CHODL: variants seen among roughly 807,000 people sequenced by gnomAD.
CHODL encodes the protein transmembrane protein MT75.
CHODL carries 29 observed loss-of-function variants against 34.5 expected under a neutral mutation model. That is an observed-to-expected ratio of 0.84 (90% CI 0.63 to 1.15). The LOEUF is 1.15. CHODL is among the 50% of genes most tolerant of loss of function. CHODL has a pLI of 0.00. For synonymous variants in CHODL, 125 were observed against 116.1 expected (o/e 1.08, Z -0.49); for missense variants, 332 against 332.5 (o/e 1.00, Z 0.01).
chr21:17,935,562 ATAATT>A (rs573072791), intron 1 of CHODL, among the ~76,000 whole-genome samples: 215 of 152,382 alleles, frequency 1.4e-3, no homozygotes, highest in Middle Eastern at 3.4e-3. Flanking sequence ...ATAAAAATGA[ATAATT>A]TAAGTGACAA....
chr21:18,225,978 G>A (rs1450232743), intron 2 of CHODL, among the ~76,000 whole-genome samples: 1 of 152,104 alleles, frequency 6.6e-6, no homozygotes, highest in African/African-American at 2.4e-5. Context: ...GACATACAGA[G>A]ATAATATACA....
At chr21:18,174,152 T>TATATATATATATATAAAA (rs1568923201) in intron 2 of CHODL, among the ~76,000 whole-genome samples, 2 of 125,840 alleles carry the variant, frequency 1.6e-5, no homozygotes, top group African/African-American at 6.0e-5. Flanking sequence ...TATATATATA[T>TATATATATATATATAAAA]ATATATATAA....
At chr21:18,128,105 C>T (rs984820695) in intron 2 of CHODL, among the ~76,000 whole-genome samples, 18 of 151,246 alleles carry the variant, frequency 1.2e-4, no homozygotes, top group African/African-American at 4.1e-4. Flanking sequence ...TCGAGACCAT[C>T]CTGGCTAACA....
At chr21:17,923,873 A>G (rs1411785972) in intron 1 of CHODL, among the ~76,000 whole-genome samples, 1 of 152,254 alleles carries the variant, frequency 6.6e-6, no homozygotes. Context: ...GAAAGATGGC[A>G]ACACAAAGAT....
chr21:18,026,308 T>C (rs1367448556), intron 1 of CHODL, among the ~76,000 whole-genome samples: 1 of 152,202 alleles, frequency 6.6e-6, no homozygotes, highest in Non-Finnish European at 1.5e-5. Context: ...TAGTTCTGCT[T>C]AGGCATATCA....
chr21:18,243,063 A>G (rs909778456), upstream of CHODL, among the ~76,000 whole-genome samples: 1 of 152,200 alleles, frequency 6.6e-6, no homozygotes, highest in Non-Finnish European at 1.5e-5. Context: ...CTAGTTCTAC[A>G]GGTATTTGGA....
At chr21:18,063,638 C>T (rs929499779) in intron 2 of CHODL, among the ~76,000 whole-genome samples, 6 of 152,108 alleles carry the variant, frequency 3.9e-5, no homozygotes, top group Non-Finnish European at 7.4e-5. Context: ...TTTAGTTCTT[C>T]ATTGGTTAAA....
At chr21:17,972,686 A>T (rs1185736786) in intron 1 of CHODL, among the ~76,000 whole-genome samples, 1 of 152,256 alleles carries the variant, frequency 6.6e-6, no homozygotes, top group Non-Finnish European at 1.5e-5. Context: ...GTGGATAGGA[A>T]GAATCAATAT....
intron 2 of CHODL, among the ~76,000 whole-genome samples, chr21:18,175,422 T>C (rs2073293950): frequency 6.6e-6 from 1 of 152,058 alleles, no homozygotes; most frequent in Admixed American, 6.6e-5. Context: ...TGAAATCCCA[T>C]ATCTACTAAA....
At chr21:17,969,353 G>A (rs2063596658) in intron 1 of CHODL, among the ~76,000 whole-genome samples, 1 of 152,052 alleles carries the variant, frequency 6.6e-6, no homozygotes, top group South Asian at 2.1e-4. Context: ...ATATATAGAA[G>A]AAAAGAAAAG....
chr21:18,210,990 C>T (rs1462557657), intron 2 of CHODL, among the ~76,000 whole-genome samples: 1 of 152,102 alleles, frequency 6.6e-6, no homozygotes, highest in South Asian at 2.1e-4. Context: ...AATTTTGTTC[C>T]AGCTACACAT....
At chr21:17,985,914 A>G (rs2063750000) in intron 1 of CHODL, among the ~76,000 whole-genome samples, 1 of 152,122 alleles carries the variant, frequency 6.6e-6, no homozygotes, top group Admixed American at 6.6e-5. Context: ...ATGAGGGCCT[A>G]CTTTCTGGTT....
At chr21:18,088,764 C>G (rs868806020) in intron 2 of CHODL, among the ~76,000 whole-genome samples, 3 of 152,198 alleles carry the variant, frequency 2.0e-5, no homozygotes, top group South Asian at 2.1e-4. Context: ...ATGGAGGAGG[C>G]ACATACTACC....
rs1029756638 is a variant in CHODL at position 17,953,417 on chromosome 21, C to T, written c.-145+36017C>T. Among the ~76,000 whole-genome samples, 6 of 151,936 alleles carry T rather than the reference C, an allele frequency of 3.9e-5. No homozygotes were observed. The South Asian group carries it at 6.2e-4, about 16-fold the overall frequency. ...AGGAGTTAGAGACTACAGTGAGCCACGATTGTGCCACTGCACTCCCGCCTG... is the reference window on the plus strand; with the variant it reads ...AGGAGTTAGAGACTACAGTGAGCCATGATTGTGCCACTGCACTCCCGCCTG... On this transcript the variant is annotated intron_variant, in intron 1 of 6. Coordinates refer to the CHODL transcript ENST00000400127.
chr21:17,953,127 G>T (rs937104730), intron 1 of CHODL, among the ~76,000 whole-genome samples: 1 of 152,048 alleles, frequency 6.6e-6, no homozygotes, highest in Non-Finnish European at 1.5e-5. Flanking sequence ...AATAATATAA[G>T]ATTTACATAC....
At chr21:18,138,516 A>C (rs1345973273) in intron 2 of CHODL, among the ~76,000 whole-genome samples, 1 of 152,098 alleles carries the variant, frequency 6.6e-6, no homozygotes, top group African/African-American at 2.4e-5. Flanking sequence ...ATTGATGGAG[A>C]TTCCTTTTAT....
At position 17,987,851 on chromosome 21, in the gene CHODL, T is replaced by G. The variant is rs191391859; in HGVS notation, c.-144-40021T>G. 4.3e-3 allele frequency among the ~76,000 whole-genome samples: 648 copies of G among 152,272 alleles called. 2 individuals are homozygous for G. The highest frequency in any genetic ancestry group is 0.021 in the South Asian group (100 of 4,828). On this transcript the variant is annotated intron_variant, in intron 1 of 6. Transcript: ENST00000400127. ...ACCACCTGCTATGTCTATTATGTAT[T>G]TAATGTGAATAACAAGCATCCCACT...
chr21:18,187,471 C>T (rs1479799032), intron 2 of CHODL, among the ~76,000 whole-genome samples: 1 of 152,154 alleles, frequency 6.6e-6, no homozygotes, highest in African/African-American at 2.4e-5. Flanking sequence ...TGCTATTTCC[C>T]ATGGCATTTA....
At chr21:18,021,898 T>A (rs549339546) in intron 1 of CHODL, among the ~76,000 whole-genome samples, 5 of 152,292 alleles carry the variant, frequency 3.3e-5, no homozygotes, top group South Asian at 2.1e-4. Context: ...ATTTGTGTCC[T>A]CTCCACCTTA....
Sources: allele counts gnomAD v4.1 joint callset (sites outside exome capture counted in the v4.1 genomes callset), GRCh38; gene constraint gnomAD v4.1.1; transcripts MANE v1.5; gene names NCBI Gene and HGNC (gene_info 2026-07-23, HGNC 2026-07-21).